The following FAAH2 variants were observed in gnomAD, a reference collection of about 807,000 sequenced individuals.
The protein encoded by FAAH2 is fatty acid amide hydrolase 2, also known as fatty-acid amide hydrolase 2.
FAAH2 carries 60 observed loss-of-function variants against 36.9 expected under a neutral mutation model. The observed-to-expected ratio is 1.63, with a 90% CI of 1.32 to 2.02. The LOEUF (loss-of-function observed/expected upper bound fraction) is 2.02. Ranked by LOEUF, FAAH2 falls within the 30% of genes most tolerant of loss-of-function variation. The pLI, the probability that FAAH2 is intolerant of heterozygous loss-of-function variation, is 0.00. For missense variants in FAAH2, 689 were observed against 397.5 expected (o/e 1.73, Z -6.23); for synonymous variants, 214 against 143.8 (o/e 1.49, Z -3.49).
chrX:57,372,844 C>G (rs1379651361), intron 5 of FAAH2, among the ~76,000 whole-genome samples: 1 of 110,025 alleles, frequency 9.1e-6, no homozygotes, highest in Non-Finnish European at 1.9e-5. Flanking sequence ...ATACACTGTA[C>G]CCAGTATATA....
At chrX:57,430,412 G>C (rs2056267094) in intron 7 of FAAH2, among the ~76,000 whole-genome samples, 1 of 111,330 alleles carries the variant, frequency 9.0e-6, no homozygotes, top group African/African-American at 3.3e-5. Context: ...GCGTGTGGTG[G>C]GATGCTTCTT....
At chrX:57,420,779 G>A (rs2055999275) in intron 7 of FAAH2, among the ~76,000 whole-genome samples, 2 of 107,853 alleles carry the variant, frequency 1.9e-5, no homozygotes, top group Non-Finnish European at 3.8e-5. Flanking sequence ...TGGTGAGAGA[G>A]AGCATCCCTG....
At chrX:57,242,958 T>C in the FAAH2 span, among the ~76,000 whole-genome samples, 1 of 111,993 alleles carries the variant, frequency 8.9e-6, no homozygotes, top group East Asian at 2.8e-4. Flanking sequence ...ACAAGTGGCC[T>C]AGCTCAGTGG....
chrX:57,416,352 TG>T (rs2055842000), intron 7 of FAAH2, among the ~76,000 whole-genome samples: 1 of 111,672 alleles, frequency 9.0e-6, no homozygotes, highest in Non-Finnish European at 1.9e-5. Flanking sequence ...TATTTTTTTT[TG>T]CAGTGGCTGG....
chrX:57,172,678 G>A, the FAAH2 span, among the ~76,000 whole-genome samples: 11 of 111,795 alleles, frequency 9.8e-5, no homozygotes, highest in Admixed American at 8.5e-4. Flanking sequence ...AGCAGATGGG[G>A]AAGTGAGAAA....
At chrX:57,393,366 C>T (rs1036444366) in intron 7 of FAAH2, 3 of 736,814 alleles carry the variant, frequency 4.1e-6, no homozygotes, top group African/African-American at 4.2e-5. Context: ...AGCACCACCA[C>T]GTGAGGGTGG....
chrX:57,244,152 G>A, the FAAH2 span, among the ~76,000 whole-genome samples: 36,080 of 106,878 alleles, frequency 0.34, 5,179 homozygotes, highest in Middle Eastern at 0.61. Context: ...CATCGAGGTT[G>A]AAGATCATCA....
chrX:57,290,963 C>G (rs1229944222), intron 1 of FAAH2, among the ~76,000 whole-genome samples: 1 of 111,763 alleles, frequency 8.9e-6, no homozygotes, highest in Non-Finnish European at 1.9e-5. Context: ...TTTTGGGTTT[C>G]TAATATTTCT....
At chrX:57,136,990 C>T in the FAAH2 span, 1 of 892,023 alleles carries the variant, frequency 1.1e-6, no homozygotes, top group Non-Finnish European at 1.4e-6. Flanking sequence ...TCTGTAACCC[C>T]CACTGCCTAT....
chrX:57,320,823 T>C (rs1569256224), intron 3 of FAAH2, among the ~76,000 whole-genome samples: 1 of 112,452 alleles, frequency 8.9e-6, no homozygotes, highest in Non-Finnish European at 1.9e-5. Flanking sequence ...ATGTACACCA[T>C]GCAATATTAT....
intron 1 of FAAH2, among the ~76,000 whole-genome samples, chrX:57,290,962 T>C (rs755020284): frequency 1.8e-5 from 2 of 112,228 alleles, no homozygotes; most frequent in South Asian, 7.3e-4. Flanking sequence ...ATTTTGGGTT[T>C]CTAATATTTC....
chrX:57,290,045 G>C (rs1006553135), intron 1 of FAAH2, among the ~76,000 whole-genome samples: 2 of 111,631 alleles, frequency 1.8e-5, no homozygotes, highest in African/African-American at 6.5e-5. Flanking sequence ...CTTAACCTCA[G>C]TGAGCCTCAA....
chrX:57,468,099 G>A (rs1345657271), intron 10 of FAAH2, among the ~76,000 whole-genome samples: 3 of 111,192 alleles, frequency 2.7e-5, no homozygotes, highest in Non-Finnish European at 5.7e-5. Flanking sequence ...TCCATCTGTT[G>A]GTCACCATAA....
chrX:57,148,933 C>T, the FAAH2 span, among the ~76,000 whole-genome samples: 1 of 111,448 alleles, frequency 9.0e-6, no homozygotes, highest in African/African-American at 3.3e-5. Flanking sequence ...AGATATGTCC[C>T]GTCATACCTA....
rs192035925 is a variant in FAAH2, at chrX:57,366,038, T to A, written c.743-12613T>A. ...CAGATTCTAATTTCTATGTGTGTAA[T>A]TTCAGCCATTACAGTCTGCTTAAGA... is the stretch of plus-strand genomic sequence containing the variant. On this transcript the variant is annotated intron_variant, in intron 5 of 10. Coordinates refer to ENST00000374900, the MANE Select transcript of FAAH2 (RefSeq NM_174912.4). Among the ~76,000 whole-genome samples the A allele has an allele frequency of 9.8e-5, 11 of 112,377 alleles. No homozygotes were observed. In the East Asian group the frequency reaches 2.8e-3, roughly 29 times the overall value.
the FAAH2 span, among the ~76,000 whole-genome samples, chrX:57,155,085 G>A: frequency 8.9e-6 from 1 of 111,936 alleles, no homozygotes; most frequent in African/African-American, 3.3e-5. Flanking sequence ...CTGTGGGGAT[G>A]GCAGGAGAGT....
At chrX:57,392,529 T>A in intron 7 of FAAH2, 1 of 758,650 alleles carries the variant, frequency 1.3e-6, no homozygotes, top group Middle Eastern at 2.9e-4. Flanking sequence ...TAGTTTCAGA[T>A]CTTCTGGGCA....
chrX:57,246,661 C>T, the FAAH2 span, among the ~76,000 whole-genome samples: 881 of 111,902 alleles, frequency 7.9e-3, 6 homozygotes, highest in African/African-American at 0.027. Flanking sequence ...TACAGCATTG[C>T]ATAATAAAAA....
chrX:57,157,439 TA>T, the FAAH2 span, among the ~76,000 whole-genome samples: 1 of 111,805 alleles, frequency 8.9e-6, no homozygotes, highest in South Asian at 3.7e-4. Flanking sequence ...AGGGCTGGTC[TA>T]AATGCTCCCT....
Sources: allele counts gnomAD v4.1 joint callset (sites outside exome capture counted in the v4.1 genomes callset), GRCh38; gene constraint gnomAD v4.1.1; transcripts MANE v1.5; gene names NCBI Gene and HGNC (gene_info 2026-07-23, HGNC 2026-07-21).